IQGAP3: variants seen among roughly 807,000 people sequenced by gnomAD.
IQGAP3 encodes ras GTPase-activating-like protein IQGAP3.
IQGAP3 carries 165 observed loss-of-function variants against 208.2 expected under a neutral mutation model. That is an observed-to-expected ratio of 0.79 (90% confidence interval 0.70 to 0.90). The LOEUF (loss-of-function observed/expected upper bound fraction) is 0.90. IQGAP3 is among the 40% of genes least tolerant of loss of function. IQGAP3 has a pLI of 0.00. For synonymous variants in IQGAP3, 703 were observed against 803.6 expected (o/e 0.87, Z 2.12); for missense variants, 1,811 against 2,043.1 (o/e 0.89, Z 2.19).
Position 156,525,756 on chromosome 1 carries a change from G to GAAAAAAAAAA in IQGAP3, c.*729_*730insTTTTTTTTTT, listed in dbSNP as rs1393224692. On this transcript the variant is annotated 3_prime_UTR_variant, in exon 38 of 38. Coordinates refer to ENST00000361170, the MANE Select transcript of IQGAP3 (RefSeq NM_178229.5). ...AAAAAAAAAAAAAAAAAAAAAAAAT[G>GAAAAAAAAAA]AAAGCGTTAAAACCCTGATTAAGTC... The GAAAAAAAAAA allele has an allele frequency of 2.4e-4, 17 of 71,076 alleles. No homozygotes were observed. The highest frequency in any genetic ancestry group is 5.9e-4 in the African/African-American group (14 of 23,646). The allele number at this position is 71,076 out of a possible 1,614,324, so 4.4% of individuals were successfully genotyped here. A position where few individuals can be genotyped will look rare whatever the true frequency, so the allele number is the denominator to read the frequency against.
Position 156,560,976 on chromosome 1 carries a change from C to G in IQGAP3, c.1087G>C (p.Gly363Arg). 6.2e-7 allele frequency: 1 copy of G among 1,613,952 alleles called. No individual in the cohort carries two copies. Among genetic ancestry groups the G allele is most frequent in the South Asian group, 1.1e-5 (1 of 91,078 alleles). ...CCCTTTGTGTTGGCTGCAGCCACAC[C>G]AGCCTGGACTTCCTCCTTTTCCAGA... ...ELLEKEEVQA[G>R]VAAANTKGDQ... is the part of the protein sequence containing the mutation. The change falls in exon 11 of 38, where the codon GGT becomes CGT. Residue 363 changes from glycine to arginine, a missense_variant. By Grantham distance (125) the Gly-to-Arg change is moderately radical. Transcript: ENST00000361170.
At position 156,534,612 on chromosome 1, in the gene IQGAP3, C is replaced by T; in HGVS notation, c.3629G>A (p.Gly1210Glu). 1 of 1,612,586 alleles carries T rather than the reference C, an allele frequency of 6.2e-7. No individual in the cohort carries two copies. Among genetic ancestry groups the T allele is most frequent in the Non-Finnish European group, 8.5e-7 (1 of 1,179,796 alleles). ...GTGCTGTAGGAGCTGAGCCACAGCC[C>T]CCAGGGCATGGCGCTGGGGGGCAGC... ...ALAAPQRHALGAVAQLLQHAA... is the reference protein window; with the variant it reads ...ALAAPQRHALEAVAQLLQHAA... The change falls in exon 29 of 38, where the codon GGG becomes GAG. Residue 1210 changes from glycine (G) to glutamate (E), a missense_variant. By Grantham distance (98) the Gly-to-Glu change is moderately conservative (BLOSUM62 -2). Transcript: ENST00000361170.
At chr1:156,555,828 C>T (rs1340457245) in intron 12 of IQGAP3, among the ~76,000 whole-genome samples, 1 of 152,224 alleles carries the variant, frequency 6.6e-6, no homozygotes. Context: ...AGTCACAATG[C>T]TTTACTTCTT....
At chr1:156,561,173 G>GTTTT in intron 10 of IQGAP3, 152 bp from the exon 11 acceptor site, 1 of 442,242 alleles carries the variant, frequency 2.3e-6, no homozygotes, top group South Asian at 2.8e-5. Context: ...CCTATTAACC[G>GTTTT]TTTTTTTTTT....
intron 19 of IQGAP3, among the ~76,000 whole-genome samples, chr1:156,545,032 C>T (rs971572333): frequency 1.3e-5 from 2 of 152,186 alleles, no homozygotes; most frequent in African/African-American, 4.8e-5. Context: ...CACTAATGCT[C>T]TCATAACTCA....
chr1:156,527,907 A>G, intron 37 of IQGAP3, 45 bp downstream of exon 37: 1 of 1,379,100 alleles, frequency 7.3e-7, no homozygotes, highest in South Asian at 1.2e-5. Flanking sequence ...GCCAGCACCT[A>G]AAGCCCAGCA....
At chr1:156,530,394 A>G (rs1674335417) in intron 33 of IQGAP3, 77 bp from the exon 34 acceptor site, 1 of 1,285,322 alleles carries the variant, frequency 7.8e-7, no homozygotes, top group Admixed American at 2.1e-5. Flanking sequence ...TCCCATGGGC[A>G]CCAGCAACAA....
rs58229738 is a variant in IQGAP3, at chr1:156,539,608, C to T, written c.2893-71G>A. 2,144 of 1,503,500 alleles carry T rather than the reference C, an allele frequency of 1.4e-3. 23 individuals carry two copies. The African/African-American group carries it at 0.024, about 17-fold the overall frequency. The allele number at this position is 1,503,500 out of a possible 1,614,324, so 93.1% of individuals were successfully genotyped here. A position where few individuals can be genotyped will look rare whatever the true frequency, so the allele number is the denominator to read the frequency against. ...GGACCAGTGATAGGATAAGGAAAGG[C>T]TTTCCCCTGATGGAAATCTGGAATG... On this transcript the variant is annotated intron_variant, in intron 24 of 37. Transcript: ENST00000361170.
rs1428842495 is a variant in IQGAP3 at position 156,554,381 on chromosome 1, C to T, written c.1302G>A (p.Gln434=). The T allele has an allele frequency of 1.2e-6, 2 of 1,606,116 alleles. No homozygotes were observed. The highest frequency in any genetic ancestry group is 1.7e-6 in the Non-Finnish European group (2 of 1,177,048). Residue 434 remains glutamine (Q), a synonymous_variant, in exon 13 of 38, where the codon CAG becomes CAA. Coordinates refer to ENST00000361170, the MANE Select transcript of IQGAP3 (RefSeq NM_178229.5). ...VLQQQQGELG[Q]EELFVAVEML... is the part of the protein sequence containing the mutation. ...TCTCCACAGCCACGAAGAGCTCCTC[C>T]TGGCCAAGCTCCTACAATGGGTGGG...
rs373465511 is a variant in IQGAP3, at chr1:156,563,749, G to A, written c.505+8C>T. Reference sequence around the variant, plus strand: ...GGCTGTGGTGGTCAGGGAAGGAGCTGGGCTTACCTGTGAATTTCACTTTCC... The same window carrying A: ...GGCTGTGGTGGTCAGGGAAGGAGCTAGGCTTACCTGTGAATTTCACTTTCC... On this transcript the variant is annotated splice_region_variant and intron_variant, in intron 6 of 37. Coordinates refer to ENST00000361170, the MANE Select transcript of IQGAP3 (RefSeq NM_178229.5). 2.4e-5 allele frequency: 39 copies of A among 1,613,156 alleles called. No homozygotes were observed. Among genetic ancestry groups the A allele is most frequent in the Non-Finnish European group, 2.8e-5 (33 of 1,179,322 alleles).
chr1:156,569,526 G>GTTTTT, intron 1 of IQGAP3, 63 bp from the exon 2 acceptor site: 1 of 376,374 alleles, frequency 2.7e-6, no homozygotes. Context: ...GCACTGAAGG[G>GTTTTT]TCTTTTTTTT....
intron 26 of IQGAP3, 21 bp from the exon 27 acceptor site, chr1:156,537,342 G>A (rs565372705): frequency 8.2e-6 from 13 of 1,594,110 alleles, no homozygotes; most frequent in Non-Finnish European, 1.0e-5. Context: ...AGAGAGACAA[G>A]GTGTAAGCAG....
chr1:156,571,321 G>T (rs979535627), intron 1 of IQGAP3, among the ~76,000 whole-genome samples: 2 of 152,126 alleles, frequency 1.3e-5, no homozygotes, highest in African/African-American at 4.8e-5. Context: ...AAAAAAGGCA[G>T]AGCTTAGCCA....
At chr1:156,564,758 G>C in intron 4 of IQGAP3, 67 bp from the exon 5 acceptor site, 2 of 1,143,266 alleles carry the variant, frequency 1.7e-6, no homozygotes, top group East Asian at 2.3e-5. Flanking sequence ...CGGAGAGGGG[G>C]TGCCGAGGAA....
chr1:156,531,608 T>TG lies in IQGAP3; in HGVS notation c.4104-362_4104-361insC, dbSNP rs1674409871. Among the ~76,000 whole-genome samples, 4 of 149,832 alleles carry TG rather than the reference T, an allele frequency of 2.7e-5. No individual in the cohort carries two copies. The South Asian group carries it at 8.6e-4, about 32-fold the overall frequency. On this transcript the variant is annotated intron_variant, in intron 32 of 37. Transcript: ENST00000361170. ...AGATGATACTCAGCTCACTTGTTTTTTTTTTTTTTTTTTGAGATAGAGTTT... is the reference window on the plus strand; with the variant it reads ...AGATGATACTCAGCTCACTTGTTTTTGTTTTTTTTTTTTTGAGATAGAGTTT...
Position 156,540,812 on chromosome 1 carries a change from C to T in IQGAP3, c.2635G>A (p.Glu879Lys), listed in dbSNP as rs767665639. 15 of 1,613,998 alleles carry T rather than the reference C, an allele frequency of 9.3e-6. No homozygotes were observed. The highest frequency in any genetic ancestry group is 2.2e-5 in the East Asian group (1 of 44,898). ...LAEAELLKLQ[E>K]EVVRKIRSNQ... Reference sequence around the variant, plus strand: ...GATCGGATCTTCCTAACTACCTCTTCCTGGAGCTTCAGCAGCTCTGCCTCA... The same window carrying T: ...GATCGGATCTTCCTAACTACCTCTTTCTGGAGCTTCAGCAGCTCTGCCTCA... Residue 879 changes from glutamate to lysine, a missense_variant, in exon 23 of 38, where the codon GAA (glutamate) becomes AAA (lysine). Coordinates refer to ENST00000361170, the MANE Select transcript of IQGAP3 (RefSeq NM_178229.5).
intron 22 of IQGAP3, 51 bp downstream of exon 22, chr1:156,543,930 G>A (rs1463987002): frequency 6.6e-7 from 1 of 1,526,456 alleles, no homozygotes; most frequent in Non-Finnish European, 9.1e-7. Context: ...GCCTGGCTCT[G>A]TGGGGTCCTC....
intron 26 of IQGAP3, 48 bp downstream of exon 26, chr1:156,538,761 A>C: frequency 6.6e-7 from 1 of 1,525,934 alleles, no homozygotes; most frequent in South Asian, 1.1e-5. Flanking sequence ...ACAGCTGATC[A>C]AGACACAGCT....
In IQGAP3 at chr1:156,563,558, G is replaced by C. The variant is rs1676260398; in HGVS notation, c.614C>G (p.Ala205Gly). The C allele has an allele frequency of 1.2e-6, 2 of 1,612,494 alleles. No individual in the cohort carries two copies. Among genetic ancestry groups the C allele is most frequent in the Non-Finnish European group, 1.7e-6 (2 of 1,179,148 alleles). Reference sequence around the variant, plus strand: ...GGGCAGAGCCTAGTCCTTACCTGCAGCCTCATCCACCGAGAGCTCATTGGC... The same window carrying C: ...GGGCAGAGCCTAGTCCTTACCTGCACCCTCATCCACCGAGAGCTCATTGGC... The part of the protein sequence containing the change: ...ILANELSVDE[A>G]AVHAAVLAIN... The change falls in exon 7 of 38, where the codon GCT becomes GGT. Residue 205 changes from alanine to glycine, a missense_variant. Physicochemically the swap from Ala to Gly is moderately conservative, Grantham distance 60 (BLOSUM62 0). Coordinates refer to ENST00000361170, the MANE Select transcript of IQGAP3 (RefSeq NM_178229.5).
Sources: allele counts gnomAD v4.1 joint callset (sites outside exome capture counted in the v4.1 genomes callset), GRCh38; gene constraint gnomAD v4.1.1; transcripts MANE v1.5; gene names NCBI Gene and HGNC (gene_info 2026-07-23, HGNC 2026-07-21).